RELN: variants seen among roughly 807,000 people sequenced by gnomAD.
RELN encodes reelin.
RELN carries 108 observed loss-of-function variants against 427.6 expected under a neutral mutation model. The ratio of observed to expected loss-of-function variants is 0.25; its 90% confidence interval spans 0.22 to 0.30. RELN has a LOEUF of 0.30. Ranked by LOEUF, RELN falls within the 10% of genes least tolerant of loss-of-function variation. The probability of loss-of-function intolerance (pLI) is 1.00; values close to 1 mark genes in which losing one functional copy is unlikely to be tolerated. For missense variants in RELN, 3,715 were observed against 4,302.8 expected (o/e 0.86, Z 3.82); for synonymous variants, 1,524 against 1,513.4 (o/e 1.01, Z -0.16).
chr7:103,967,784 A>T (rs1796688789), intron 1 of RELN, among the ~76,000 whole-genome samples: 1 of 152,190 alleles, frequency 6.6e-6, no homozygotes, highest in African/African-American at 2.4e-5. Flanking sequence ...TGCCACACTC[A>T]GGCCTAAACT....
At chr7:103,756,309 G>A (rs1486539120) in intron 4 of RELN, among the ~76,000 whole-genome samples, 4 of 152,104 alleles carry the variant, frequency 2.6e-5, no homozygotes, top group South Asian at 2.1e-4. Flanking sequence ...GTGGAGGCCC[G>A]GAAGTTGTAT....
intron 64 of RELN, among the ~76,000 whole-genome samples, chr7:103,473,511 A>G (rs537909997): frequency 1.3e-5 from 2 of 152,324 alleles, no homozygotes; most frequent in South Asian, 4.1e-4. Flanking sequence ...TATTTTATAA[A>G]CGTGGCCTTA....
chr7:103,793,009 G>A (rs1182859286), intron 3 of RELN, among the ~76,000 whole-genome samples: 4 of 152,032 alleles, frequency 2.6e-5, no homozygotes, highest in Non-Finnish European at 5.9e-5. Context: ...AAATACTGTG[G>A]TCCTTCAATG....
intron 4 of RELN, among the ~76,000 whole-genome samples, chr7:103,767,158 C>T (rs779554505): frequency 2.0e-5 from 3 of 152,226 alleles, no homozygotes; most frequent in Non-Finnish European, 2.9e-5. Context: ...GGACCACTGG[C>T]AGCCATGCTG....
At chr7:103,986,224 T>C (rs955614373) in intron 1 of RELN, among the ~76,000 whole-genome samples, 4 of 152,020 alleles carry the variant, frequency 2.6e-5, no homozygotes, top group Non-Finnish European at 5.9e-5. Context: ...TTAAAAGATA[T>C]ATGAAGATGA....
chr7:103,899,441 A>G (rs1395965423), intron 2 of RELN, among the ~76,000 whole-genome samples: 1 of 152,188 alleles, frequency 6.6e-6, no homozygotes, highest in Non-Finnish European at 1.5e-5. Context: ...AACTCATTTT[A>G]TGAGGCCAGC....
intron 2 of RELN, among the ~76,000 whole-genome samples, chr7:103,863,887 T>G (rs919593865): frequency 2.2e-4 from 33 of 152,240 alleles, no homozygotes; most frequent in African/African-American, 7.9e-4. Context: ...TTTTGTTGGC[T>G]GAGCACCAGA....
intron 1 of RELN, among the ~76,000 whole-genome samples, chr7:103,941,425 T>C (rs530768044): frequency 6.6e-6 from 1 of 152,270 alleles, no homozygotes; most frequent in South Asian, 2.1e-4. Context: ...CCCCATTCAG[T>C]CAAACTCACA....
rs79468567 is a variant in RELN, at chr7:103,921,428, C to T, written c.227-4243G>A. Among the ~76,000 whole-genome samples, 289 of 152,134 alleles carry T rather than the reference C, an allele frequency of 1.9e-3. 5 individuals carry two copies. The East Asian group carries it at 0.046, about 24-fold the overall frequency. On this transcript the variant is annotated intron_variant, in intron 1 of 64. Transcript: ENST00000428762. Reference sequence around the variant, plus strand: ...AAATTCTTTCCCAAGGGACTTCTTCCCTCTTGGAGTCAATTTTTATATCTT... The same window carrying T: ...AAATTCTTTCCCAAGGGACTTCTTCTCTCTTGGAGTCAATTTTTATATCTT...
intron 41 of RELN, among the ~76,000 whole-genome samples, chr7:103,545,926 G>A (rs1369351630): frequency 6.6e-6 from 1 of 152,134 alleles, no homozygotes; most frequent in African/African-American, 2.4e-5. Flanking sequence ...GTGAGCCACC[G>A]CACCCGGCCC....
chr7:103,575,802 T>C (rs533482723), intron 28 of RELN, 97 bp from the exon 29 acceptor site: 4 of 1,361,190 alleles, frequency 2.9e-6, no homozygotes, highest in South Asian at 1.2e-5. Context: ...AGAGACTTAA[T>C]ATTTATTTGA....
Position 103,489,092 on chromosome 7 carries a change from C to T in RELN, c.9763+650G>A, listed in dbSNP as rs140047224. Among the ~76,000 whole-genome samples the T allele has an allele frequency of 2.0e-5, 3 of 152,254 alleles. No individual in the cohort carries two copies. The East Asian group carries it at 5.8e-4, about 29-fold the overall frequency. ...GCCTGCATACCTTCTAACAGACCAA[C>T]AGAGCAATTTCCTGTGATGTGAAGG... On this transcript the variant is annotated intron_variant, in intron 60 of 64. Coordinates refer to ENST00000428762, the MANE Select transcript of RELN (RefSeq NM_005045.4).
At chr7:103,482,282 G>A (rs1828269320) in intron 63 of RELN, 4 of 158,444 alleles carry the variant, frequency 2.5e-5, no homozygotes, top group Non-Finnish European at 4.2e-5. Flanking sequence ...TAGATCATTA[G>A]AGAAAAAGCA....
chr7:103,578,878 G>A (rs563290839), intron 28 of RELN, among the ~76,000 whole-genome samples: 8 of 152,322 alleles, frequency 5.3e-5, no homozygotes, highest in African/African-American at 1.7e-4. Context: ...AGGAGACACA[G>A]TAGAATGTGG....
intron 1 of RELN, among the ~76,000 whole-genome samples, chr7:103,932,189 T>C (rs1009992961): frequency 6.6e-6 from 1 of 152,196 alleles, no homozygotes; most frequent in Non-Finnish European, 1.5e-5. Flanking sequence ...ATACACACCA[T>C]GGAATACTAC....
In RELN at chr7:103,575,852, G is replaced by GTCTC. The variant is rs533986870; in HGVS notation, c.4146-151_4146-148dup. ...TGACTGCACTTAACCTTCATAAGCT[G>GTCTC]TCTCTCAGACCTTTCTCTCTCTCTC... On this transcript the variant is annotated intron_variant, in intron 28 of 64. Transcript: ENST00000428762. The GTCTC allele has an allele frequency of 1.6e-4, 137 of 881,124 alleles. No homozygotes were observed. In the African/African-American group the frequency reaches 1.9e-3, roughly 13 times the overall value. 54.6% of individuals were successfully genotyped at this position (881,124 alleles called of 1,614,324 possible).
intron 2 of RELN, among the ~76,000 whole-genome samples, chr7:103,915,645 A>C (rs1174419760): frequency 6.6e-6 from 1 of 151,748 alleles, no homozygotes; most frequent in African/African-American, 2.4e-5. Flanking sequence ...GCTTTAAAAA[A>C]TCACCAATGC....
intron 20 of RELN, among the ~76,000 whole-genome samples, chr7:103,615,035 CTTCTT>C (rs901622906): frequency 6.6e-6 from 1 of 152,074 alleles, no homozygotes; most frequent in African/African-American, 2.4e-5. Flanking sequence ...TGAAGCTGAA[CTTCTT>C]TTCTGTTACA....
intron 8 of RELN, among the ~76,000 whole-genome samples, chr7:103,719,333 T>C (rs7798414): frequency 0.26 from 39,233 of 151,904 alleles, 5,194 homozygotes; most frequent in South Asian, 0.38. Context: ...TCAAGTGACT[T>C]GGGTTGTTGG....
Sources: gnomAD v4.1 joint callset for allele counts (sites outside exome capture counted in the v4.1 genomes callset) on GRCh38, gnomAD v4.1.1 for gene constraint, MANE v1.5 for transcripts, NCBI Gene and HGNC (gene_info 2026-07-23, HGNC 2026-07-21) for gene names.